Variants in DLGAP2 observed in about 807,000 individuals in gnomAD.
DLGAP2 encodes the protein disks large-associated protein 2.
In DLGAP2, 26 loss-of-function variants were observed where a neutral mutation model predicts 100.3. The ratio of observed to expected loss-of-function variants is 0.26; its 90% CI spans 0.19 to 0.36. DLGAP2 has a LOEUF of 0.36. Ranked by LOEUF, DLGAP2 falls within the 10% of genes least tolerant of loss-of-function variation. DLGAP2 has a pLI of 1.00. For synonymous variants in DLGAP2, 886 were observed against 630.1 expected, an observed-to-expected ratio of 1.41 and a Z score of -6.08; for missense variants, 1,858 against 1,453.2, an observed-to-expected ratio of 1.28 and a Z score of -4.53.
chr8:1,036,617 C>T (rs925311144), intron 2 of DLGAP2, among the ~76,000 whole-genome samples: 1 of 152,098 alleles, frequency 6.6e-6, no homozygotes, highest in Non-Finnish European at 1.5e-5. Flanking sequence ...GGAGGCCTGG[C>T]AGGCTATAGA....
chr8:788,228 G>A (rs774886462), intron 1 of DLGAP2, among the ~76,000 whole-genome samples: 2 of 152,338 alleles, frequency 1.3e-5, no homozygotes, highest in South Asian at 2.1e-4. Flanking sequence ...CTCACACAGC[G>A]TCCTGTTGTT....
chr8:1,316,195 G>C lies in DLGAP2; in HGVS notation c.106+57312G>C, dbSNP rs1434283584. Among the ~76,000 whole-genome samples, 9 of 126,216 alleles carry C rather than the reference G, an allele frequency of 7.1e-5. 1 individual carries two copies. Among genetic ancestry groups the C allele is most frequent in the African/African-American group, 2.6e-4 (9 of 34,684 alleles). The allele number at this position is 126,216 out of a possible 152,430, so 82.8% of individuals were successfully genotyped here. On this transcript the variant is annotated intron_variant, in intron 3 of 14. Coordinates refer to ENST00000637795, the MANE Select transcript of DLGAP2 (RefSeq NM_001346810.2). The stretch of plus-strand genomic sequence containing the variant: ...AGAAACTCAGCAGCGTTTAAAAATA[G>C]AGCCTGTACGAGTGCAGCGTCTCTC...
intron 3 of DLGAP2, among the ~76,000 whole-genome samples, chr8:1,276,622 T>C (rs934880229): frequency 6.6e-6 from 1 of 152,172 alleles, no homozygotes; most frequent in African/African-American, 2.4e-5. Context: ...TGGTGCGTCT[T>C]GTGTCGGTGC....
intron 2 of DLGAP2, among the ~76,000 whole-genome samples, chr8:1,208,962 A>G (rs188946701): frequency 3.9e-5 from 6 of 152,234 alleles, no homozygotes; most frequent in Admixed American, 3.3e-4. Flanking sequence ...CTACACCTCT[A>G]CAAGGAAAAC....
intron 2 of DLGAP2, among the ~76,000 whole-genome samples, chr8:1,173,292 C>T (rs1208170570): frequency 6.6e-6 from 1 of 152,304 alleles, no homozygotes; most frequent in East Asian, 1.9e-4. Flanking sequence ...TCTGCCCCTA[C>T]TGGGGGGTGC....
At chr8:1,670,357 C>A (rs1046088201) in intron 10 of DLGAP2, among the ~76,000 whole-genome samples, 2 of 152,250 alleles carry the variant, frequency 1.3e-5, no homozygotes, top group African/African-American at 2.4e-5. Flanking sequence ...AGCCCTCTTC[C>A]GCTCCCAGCT....
intron 2 of DLGAP2, among the ~76,000 whole-genome samples, chr8:1,210,520 C>T (rs930199976): frequency 6.6e-6 from 1 of 152,170 alleles, no homozygotes; most frequent in Non-Finnish European, 1.5e-5. Flanking sequence ...TCTGCTGAAA[C>T]GTAGAATGCC....
At chr8:1,011,695 T>A (rs867083293) in intron 2 of DLGAP2, among the ~76,000 whole-genome samples, 2 of 80,910 alleles carry the variant, frequency 2.5e-5, no homozygotes, top group Non-Finnish European at 5.5e-5. Context: ...GAGTGAGCCC[T>A]GGAATGAGGA....
intron 3 of DLGAP2, among the ~76,000 whole-genome samples, chr8:1,262,176 T>A (rs895039498): frequency 1.3e-5 from 2 of 152,202 alleles, no homozygotes; most frequent in Non-Finnish European, 2.9e-5. Context: ...AGGGACAAAG[T>A]TTACAGGATG....
chr8:802,971 A>G (rs141664501), intron 1 of DLGAP2, among the ~76,000 whole-genome samples: 22 of 152,342 alleles, frequency 1.4e-4, no homozygotes, highest in African/African-American at 4.8e-4. Flanking sequence ...GTAGAGAATG[A>G]TTCCCGAAAA....
intron 3 of DLGAP2, among the ~76,000 whole-genome samples, chr8:1,494,362 A>C (rs1799484210): frequency 6.6e-6 from 1 of 152,180 alleles, no homozygotes; most frequent in African/African-American, 2.4e-5. Flanking sequence ...AAAACCTGTC[A>C]ATTTAAAGTG....
At chr8:1,326,083 A>G (rs533791917) in intron 3 of DLGAP2, among the ~76,000 whole-genome samples, 1 of 152,182 alleles carries the variant, frequency 6.6e-6, no homozygotes, top group Non-Finnish European at 1.5e-5. Context: ...GGACTCAACT[A>G]TACAGCTTTT....
intron 2 of DLGAP2, chr8:910,628 C>A (rs1563091253): frequency 6.6e-6 from 1 of 152,148 alleles, no homozygotes; most frequent in South Asian, 2.1e-4. Context: ...CTTTGGTGAC[C>A]CCTGATTGGC....
intron 1 of DLGAP2, among the ~76,000 whole-genome samples, chr8:845,996 T>C (rs1360142731): frequency 2.0e-5 from 3 of 152,244 alleles, no homozygotes; most frequent in Non-Finnish European, 4.4e-5. Context: ...CGTAAACGTT[T>C]GTTATTTGTG....
chr8:1,001,298 C>A (rs1036952177), intron 2 of DLGAP2, among the ~76,000 whole-genome samples: 10 of 152,200 alleles, frequency 6.6e-5, no homozygotes, highest in African/African-American at 2.4e-4. Context: ...AACTTGACAT[C>A]ATTTTATCGA....
rs1443409680 is a variant in DLGAP2 at position 1,335,852 on chromosome 8, C to G, written c.106+76969C>G. Among the ~76,000 whole-genome samples, 4 of 152,218 alleles carry G rather than the reference C, an allele frequency of 2.6e-5. No individual in the cohort carries two copies. The South Asian group carries it at 6.2e-4, about 24-fold the overall frequency. ...ATAAGAAAATGTGGCTAAAAGGAAA[C>G]TAAGGGAAGCAAAGTGTGGCAGAGC... On this transcript the variant is annotated intron_variant, in intron 3 of 14. Transcript: ENST00000637795.
chr8:802,414 C>T (rs551549870), intron 1 of DLGAP2, among the ~76,000 whole-genome samples: 1 of 152,360 alleles, frequency 6.6e-6, no homozygotes, highest in African/African-American at 2.4e-5. Flanking sequence ...TGCTCTGGGC[C>T]CCTGGGCAGC....
Position 798,870 on chromosome 8 carries a change from G to A in DLGAP2, c.18+61045G>A, listed in dbSNP as rs1039463919. ...TTGTTGAGTCAGGACCTGCAGCCCCGTGTCCCGGCGCCAGCCAGGTGACGG... is the reference window on the plus strand; with the variant it reads ...TTGTTGAGTCAGGACCTGCAGCCCCATGTCCCGGCGCCAGCCAGGTGACGG... On this transcript the variant is annotated intron_variant, in intron 1 of 14. Coordinates refer to ENST00000637795, the MANE Select transcript of DLGAP2 (RefSeq NM_001346810.2). Among the ~76,000 whole-genome samples, 27 of 150,924 alleles carry A rather than the reference G, an allele frequency of 1.8e-4. 1 individual carries two copies. The highest frequency in any genetic ancestry group is 3.3e-4 in the Non-Finnish European group (22 of 67,472).
chr8:1,579,312 TAC>T (rs1803128501), intron 6 of DLGAP2, among the ~76,000 whole-genome samples: 1 of 152,176 alleles, frequency 6.6e-6, no homozygotes, highest in African/African-American at 2.4e-5. Flanking sequence ...ATCGTATATA[TAC>T]ACACACATAT....
Sources: allele counts gnomAD v4.1 joint callset (sites outside exome capture counted in the v4.1 genomes callset), GRCh38; gene constraint gnomAD v4.1.1; transcripts MANE v1.5; gene names NCBI Gene and HGNC (gene_info 2026-07-23, HGNC 2026-07-21).